SLIT3: variants seen among roughly 807,000 people sequenced by gnomAD.
SLIT3 encodes the protein slit guidance ligand 3.
In SLIT3, 68 loss-of-function variants were observed where a neutral mutation model predicts 184.0. That is an observed-to-expected ratio of 0.37 (90% CI 0.30 to 0.45). The LOEUF is 0.45. Among genes scored for constraint, SLIT3 ranks in the 20% least tolerant of loss-of-function variants. SLIT3 has a pLI of 1.00. For synonymous variants in SLIT3, 831 were observed against 828.6 expected (o/e 1.00, Z -0.05); for missense variants, 1,707 against 2,026.0 (o/e 0.84, Z 3.02).
intron 6 of SLIT3, among the ~76,000 whole-genome samples, 169 bp downstream of exon 6, chr5:168,844,415 C>T (rs938481867): frequency 5.9e-5 from 9 of 152,060 alleles, no homozygotes; most frequent in African/African-American, 1.9e-4. Flanking sequence ...CAAGGTGAGC[C>T]GGAGGGATCC....
At chr5:168,762,427 C>T (rs956783706) in intron 15 of SLIT3, 112 bp downstream of exon 15, 23 of 1,141,074 alleles carry the variant, frequency 2.0e-5, no homozygotes, top group African/African-American at 3.1e-5. Flanking sequence ...AGCCAACAAA[C>T]ACCACATGAC....
chr5:169,296,583 G>A (rs1305217925), intron 1 of SLIT3, among the ~76,000 whole-genome samples: 1 of 152,170 alleles, frequency 6.6e-6, no homozygotes, highest in Non-Finnish European at 1.5e-5. Context: ...CCTGAGGGCT[G>A]GACAGAGGAC....
intron 4 of SLIT3, among the ~76,000 whole-genome samples, chr5:168,971,664 C>A (rs1268602385): frequency 6.6e-6 from 1 of 152,190 alleles, no homozygotes; most frequent in Non-Finnish European, 1.5e-5. Context: ...CAATAAATAT[C>A]TGTAGAGACA....
At chr5:168,937,085 C>T (rs930674762) in intron 4 of SLIT3, among the ~76,000 whole-genome samples, 17 of 152,118 alleles carry the variant, frequency 1.1e-4, no homozygotes, top group Middle Eastern at 3.4e-3. Flanking sequence ...TGGAAGAATT[C>T]GCTGGTTGAG....
At chr5:168,765,867 C>G (rs943559702) in intron 14 of SLIT3, among the ~76,000 whole-genome samples, 10 of 152,000 alleles carry the variant, frequency 6.6e-5, no homozygotes, top group African/African-American at 2.2e-4. Context: ...CCTCCCCTTT[C>G]GCGGGCAGCT....
intron 5 of SLIT3, among the ~76,000 whole-genome samples, chr5:168,854,212 T>A (rs767268308): frequency 2.6e-5 from 4 of 152,046 alleles, no homozygotes; most frequent in Non-Finnish European, 5.9e-5. Flanking sequence ...CTAATATGAC[T>A]GTGTGGGTGT....
intron 4 of SLIT3, among the ~76,000 whole-genome samples, chr5:168,978,902 G>T (rs1754854692): frequency 7.0e-6 from 1 of 142,576 alleles, no homozygotes; most frequent in African/African-American, 2.5e-5. Context: ...AATGGAATGG[G>T]GAGCTCATTT....
intron 4 of SLIT3, among the ~76,000 whole-genome samples, chr5:169,041,865 G>T (rs74331743): frequency 2.0e-5 from 3 of 152,114 alleles, no homozygotes; most frequent in Non-Finnish European, 1.5e-5. Flanking sequence ...GCAATCAGAC[G>T]CATGAAAGAT....
At chr5:168,719,401 T>TAA (rs1762864478) in intron 23 of SLIT3, among the ~76,000 whole-genome samples, 1 of 152,192 alleles carries the variant, frequency 6.6e-6, no homozygotes, top group Non-Finnish European at 1.5e-5. Flanking sequence ...TGACTTTATA[T>TAA]AAACACTAAC....
At chr5:168,727,996 C>T (rs1763186186) in intron 20 of SLIT3, among the ~76,000 whole-genome samples, 1 of 151,978 alleles carries the variant, frequency 6.6e-6, no homozygotes, top group Non-Finnish European at 1.5e-5. Context: ...CCAGGGAGAT[C>T]CGAGGGAGTT....
intron 26 of SLIT3, among the ~76,000 whole-genome samples, chr5:168,705,681 G>A (rs1482660874): frequency 6.6e-6 from 1 of 152,158 alleles, no homozygotes; most frequent in South Asian, 2.1e-4. Context: ...TGAGAACAAA[G>A]TTCAAACAAG....
intron 8 of SLIT3, among the ~76,000 whole-genome samples, chr5:168,812,990 GGTTCAAGCTTT>G (rs138492702): frequency 0.021 from 3,188 of 152,210 alleles, 134 homozygotes; most frequent in African/African-American, 0.073. Flanking sequence ...GAGGCTATTA[GGTTCAAGCTTT>G]GTTCTAGGCA....
intron 1 of SLIT3, among the ~76,000 whole-genome samples, chr5:169,264,612 A>AAG (rs1358765975): frequency 6.6e-6 from 1 of 152,158 alleles, no homozygotes; most frequent in Non-Finnish European, 1.5e-5. Flanking sequence ...ACCCTGATGA[A>AAG]AGAGAGAAAC....
Position 168,752,993 on chromosome 5 carries a change from G to C in SLIT3, c.1935C>G (p.Thr645=). ...AGACAAGCGTGGTGAAGGCCCCAGGGGTGATGGTGGTGATCCGATTGTCAT... is the reference window on the plus strand; with the variant it reads ...AGACAAGCGTGGTGAAGGCCCCAGGCGTGATGGTGGTGATCCGATTGTCAT... ...SLYDNRITTI[T]PGAFTTLVSL... Residue 645 remains threonine (T), a synonymous_variant, in exon 18 of 36, where the codon ACC becomes ACG. Coordinates refer to ENST00000519560, the MANE Select transcript of SLIT3 (RefSeq NM_003062.4). 6.2e-7 allele frequency: 1 copy of C among 1,614,064 alleles called. No homozygotes were observed. Among genetic ancestry groups the C allele is most frequent in the Non-Finnish European group, 8.5e-7 (1 of 1,179,996 alleles).
intron 14 of SLIT3, among the ~76,000 whole-genome samples, chr5:168,763,940 T>G (rs906251856): frequency 6.6e-6 from 1 of 152,218 alleles, no homozygotes; most frequent in Non-Finnish European, 1.5e-5. Flanking sequence ...TTTGCTCCAC[T>G]AGGTGAGGCA....
At chr5:168,851,491 C>T (rs773545796) in intron 5 of SLIT3, among the ~76,000 whole-genome samples, 4 of 152,128 alleles carry the variant, frequency 2.6e-5, no homozygotes, top group Admixed American at 6.5e-5. Context: ...ATATTCACAG[C>T]GAGACAGTAT....
At chr5:168,889,843 C>T (rs543290391) in intron 4 of SLIT3, among the ~76,000 whole-genome samples, 2 of 152,242 alleles carry the variant, frequency 1.3e-5, no homozygotes, top group South Asian at 2.1e-4. Flanking sequence ...AACATCTAGA[C>T]ACCTCAAAAA....
At chr5:168,748,889 T>A (rs771778205) in intron 19 of SLIT3, among the ~76,000 whole-genome samples, 11 of 152,166 alleles carry the variant, frequency 7.2e-5, no homozygotes, top group Non-Finnish European at 1.3e-4. Context: ...GTTGATCAAG[T>A]AAAGAACTGT....
chr5:169,143,608 A>T (rs1182743383), intron 4 of SLIT3, among the ~76,000 whole-genome samples: 1 of 152,220 alleles, frequency 6.6e-6, no homozygotes, highest in African/African-American at 2.4e-5. Context: ...AGACCAGCCC[A>T]GCCAACATGG....
Sources: allele counts gnomAD v4.1 joint callset (sites outside exome capture counted in the v4.1 genomes callset), GRCh38; gene constraint gnomAD v4.1.1; transcripts MANE v1.5; gene names NCBI Gene and HGNC (gene_info 2026-07-23, HGNC 2026-07-21).